The following NPAS3 variants were observed in gnomAD, a reference collection of about 807,000 sequenced individuals.
NPAS3 encodes neuronal PAS domain protein 3, also known as neuronal PAS domain-containing protein 3.
In NPAS3, 14 loss-of-function variants were observed where a neutral mutation model predicts 73.1. The observed-to-expected ratio is 0.19, with a 90% CI of 0.13 to 0.30. NPAS3 has a LOEUF of 0.30. Ranked by LOEUF, NPAS3 falls within the 10% of genes least tolerant of loss-of-function variation. The probability of loss-of-function intolerance (pLI) is 1.00; values close to 1 mark genes in which losing one functional copy is unlikely to be tolerated. For synonymous variants in NPAS3, 620 were observed against 541.5 expected (o/e 1.14, Z -2.01); for missense variants, 1,096 against 1,250.0 (o/e 0.88, Z 1.86).
At chr14:33,215,771 T>A (rs1038039473) in intron 3 of NPAS3, among the ~76,000 whole-genome samples, 1 of 152,176 alleles carries the variant, frequency 6.6e-6, no homozygotes, top group African/African-American at 2.4e-5. Flanking sequence ...TGGACACATT[T>A]GTTAAAGCAT....
intron 3 of NPAS3, among the ~76,000 whole-genome samples, chr14:33,270,583 TA>T (rs540054427): frequency 6.6e-6 from 1 of 152,188 alleles, no homozygotes; most frequent in Admixed American, 6.5e-5. Context: ...CTCTAGTATT[TA>T]AAAAGCTTAA....
chr14:32,938,812 C>T (rs868534308), upstream of NPAS3, among the ~76,000 whole-genome samples: 46 of 146,894 alleles, frequency 3.1e-4, no homozygotes, highest in African/African-American at 9.3e-4. Context: ...GGGCTGCCCG[C>T]GGGACCGCGC....
intron 8 of NPAS3, 22 bp from the exon 9 acceptor site, chr14:33,778,444 G>T (rs968438331): frequency 6.7e-7 from 1 of 1,502,802 alleles, no homozygotes; most frequent in Non-Finnish European, 9.3e-7. Context: ...CTGAATTCCA[G>T]CCTGTGTTCT....
intron 4 of NPAS3, among the ~76,000 whole-genome samples, chr14:33,538,656 G>A (rs538438818): frequency 1.8e-4 from 27 of 152,304 alleles, no homozygotes; most frequent in African/African-American, 6.5e-4. Flanking sequence ...CAAGTATTTG[G>A]AAAAGATAGG....
chr14:33,707,717 A>G (rs1175403161), intron 6 of NPAS3, among the ~76,000 whole-genome samples: 1 of 152,208 alleles, frequency 6.6e-6, no homozygotes, highest in Admixed American at 6.5e-5. Context: ...AAGGAAGAAT[A>G]AATTCAAAGA....
intron 2 of NPAS3, among the ~76,000 whole-genome samples, chr14:33,082,139 A>G (rs1043038306): frequency 1.2e-4 from 18 of 152,204 alleles, no homozygotes; most frequent in African/African-American, 1.2e-4. Flanking sequence ...GGTGAACCCA[A>G]TGAGAATTGG....
At chr14:33,549,518 T>G (rs1049344591) in intron 4 of NPAS3, among the ~76,000 whole-genome samples, 2 of 151,986 alleles carry the variant, frequency 1.3e-5, no homozygotes, top group Admixed American at 1.3e-4. Flanking sequence ...ACAGGCTGAG[T>G]GCCTATTTTA....
chr14:33,044,485 G>C (rs1362724605), intron 1 of NPAS3, among the ~76,000 whole-genome samples: 3 of 152,144 alleles, frequency 2.0e-5, no homozygotes, highest in Non-Finnish European at 4.4e-5. Context: ...TGATGGATGT[G>C]TATAGCAACA....
intron 4 of NPAS3, among the ~76,000 whole-genome samples, chr14:33,399,924 G>A (rs1350960429): frequency 2.0e-5 from 3 of 151,958 alleles, no homozygotes; most frequent in African/African-American, 7.2e-5. Context: ...CTGTACTTCG[G>A]TTTCCTCAAC....
At chr14:33,262,922 T>C (rs2049025928) in intron 3 of NPAS3, among the ~76,000 whole-genome samples, 1 of 152,230 alleles carries the variant, frequency 6.6e-6, no homozygotes, top group Non-Finnish European at 1.5e-5. Flanking sequence ...AAATGTCTTC[T>C]TTTGAGGAGT....
At chr14:33,629,483 G>C (rs940471763) in intron 5 of NPAS3, among the ~76,000 whole-genome samples, 11 of 152,108 alleles carry the variant, frequency 7.2e-5, no homozygotes, top group African/African-American at 2.7e-4. Flanking sequence ...CTTTTCTATA[G>C]TGTGTGTATG....
intron 4 of NPAS3, among the ~76,000 whole-genome samples, chr14:33,415,923 G>T (rs749113540): frequency 1.3e-5 from 2 of 151,940 alleles, no homozygotes; most frequent in Non-Finnish European, 1.5e-5. Flanking sequence ...GTTACCTATA[G>T]TTAAGATTTG....
chr14:33,459,966 G>T (rs117560903), intron 4 of NPAS3, among the ~76,000 whole-genome samples: 1,863 of 152,302 alleles, frequency 0.012, 21 homozygotes, highest in Non-Finnish European at 0.021. Context: ...GCACACAGTA[G>T]TTATTCAATA....
intron 5 of NPAS3, among the ~76,000 whole-genome samples, chr14:33,588,849 T>G (rs1302300043): frequency 6.6e-6 from 1 of 152,148 alleles, no homozygotes; most frequent in Non-Finnish European, 1.5e-5. Flanking sequence ...ACTCCTGACC[T>G]TAAGTGATCT....
intron 4 of NPAS3, among the ~76,000 whole-genome samples, chr14:33,417,736 C>G (rs947703178): frequency 2.6e-5 from 4 of 151,672 alleles, no homozygotes; most frequent in Admixed American, 1.3e-4. Flanking sequence ...ATAAAGCAAC[C>G]TGGGCAATGT....
rs79970960 is a variant in NPAS3, at chr14:33,002,532, T to G, written c.51-53373T>G. ...AGTCAAAGCAAGGAGCCTGCTTTTT[T>G]CAGACAGCGAAGTGGCCCTGTGCCC... On this transcript the variant is annotated intron_variant, in intron 1 of 11. Transcript: ENST00000356141. Among the ~76,000 whole-genome samples the G allele has an allele frequency of 2.4e-3, 370 of 152,324 alleles. 12 individuals carry two copies. In the East Asian group the frequency reaches 0.057, roughly 23 times the overall value.
chr14:33,006,911 G>C (rs2039019538), intron 1 of NPAS3, among the ~76,000 whole-genome samples: 1 of 152,150 alleles, frequency 6.6e-6, no homozygotes, highest in Non-Finnish European at 1.5e-5. Context: ...ATCTATGCAT[G>C]TTTTGGGTCT....
chr14:33,685,255 G>T (rs188270024), intron 6 of NPAS3, among the ~76,000 whole-genome samples: 1 of 152,292 alleles, frequency 6.6e-6, no homozygotes, highest in African/African-American at 2.4e-5. Flanking sequence ...GGACACTATG[G>T]TGCGTAAGTA....
At chr14:33,073,294 A>G (rs932455381) in intron 2 of NPAS3, among the ~76,000 whole-genome samples, 1 of 152,232 alleles carries the variant, frequency 6.6e-6, no homozygotes, top group Non-Finnish European at 1.5e-5. Context: ...TATTGATTTA[A>G]TAAATATTTA....
Sources: allele counts gnomAD v4.1 joint callset (sites outside exome capture counted in the v4.1 genomes callset), GRCh38; gene constraint gnomAD v4.1.1; transcripts MANE v1.5; gene names NCBI Gene and HGNC (gene_info 2026-07-23, HGNC 2026-07-21).